PICALM: variants seen among roughly 807,000 people sequenced by gnomAD.
The protein encoded by PICALM is phosphatidylinositol-binding clathrin assembly protein.
PICALM carries 40 observed loss-of-function variants against 80.5 expected under a neutral mutation model. That is an observed-to-expected ratio of 0.50 (90% CI 0.39 to 0.65). The LOEUF (loss-of-function observed/expected upper bound fraction) is 0.65. Among genes scored for constraint, PICALM ranks in the 30% least tolerant of loss-of-function variants. The probability of loss-of-function intolerance (pLI) is 0.00; values close to 1 mark genes in which losing one functional copy is unlikely to be tolerated. For synonymous variants in PICALM, 288 were observed against 260.3 expected (o/e 1.11, Z -1.02); for missense variants, 676 against 778.9 (o/e 0.87, Z 1.57).
intron 19 of PICALM, among the ~76,000 whole-genome samples, chr11:85,972,337 G>A (rs1216062017): frequency 1.3e-5 from 2 of 152,086 alleles, no homozygotes; most frequent in East Asian, 3.9e-4. Flanking sequence ...GGCCAGTAAG[G>A]GCTCAGTACC....
chr11:86,041,930 T>C (rs187127490), intron 1 of PICALM, among the ~76,000 whole-genome samples: 125 of 152,342 alleles, frequency 8.2e-4, no homozygotes, highest in Non-Finnish European at 1.4e-3. Context: ...TGCCACTGAC[T>C]TGTATTTTCA....
At chr11:86,018,906 A>AAAAG (rs60839119) in intron 4 of PICALM, among the ~76,000 whole-genome samples, 1 of 150,906 alleles carries the variant, frequency 6.6e-6, no homozygotes, top group Non-Finnish European at 1.5e-5. Context: ...AAAAAGAAAA[A>AAAAG]AATGAGATGG....
intron 9 of PICALM, 110 bp downstream of exon 9, chr11:86,003,256 G>T: frequency 1.7e-6 from 1 of 573,534 alleles, no homozygotes; most frequent in South Asian, 2.8e-5. Flanking sequence ...CCATTTTATA[G>T]AAAATGAAAT....
In PICALM at chr11:85,980,297, G is replaced by A. The variant is rs546291882; in HGVS notation, c.1779+832C>T. Among the ~76,000 whole-genome samples, 15 of 152,342 alleles carry A rather than the reference G, an allele frequency of 9.8e-5. No homozygotes were observed. In the South Asian group the frequency reaches 3.1e-3, roughly 32 times the overall value. On this transcript the variant is annotated intron_variant, in intron 17 of 19. Coordinates refer to ENST00000393346, the MANE Select transcript of PICALM (RefSeq NM_007166.4). Reference sequence around the variant, plus strand: ...GCAAGAAACTCTGACTCTGGGGCCAGCTGGACAGGGCTAAAATTCCAACTC... The same window carrying A: ...GCAAGAAACTCTGACTCTGGGGCCAACTGGACAGGGCTAAAATTCCAACTC...
At chr11:85,981,280 C>T (rs923509116) in intron 16 of PICALM, 52 bp from the exon 17 acceptor site, 4 of 1,063,306 alleles carry the variant, frequency 3.8e-6, no homozygotes, top group African/African-American at 3.1e-5. Flanking sequence ...ATAAAGTTTC[C>T]TTAGCTATAT....
At position 86,012,398 on chromosome 11, in the gene PICALM, G is replaced by GA. The variant is rs746992766; in HGVS notation, c.547-7dup. The GA allele has an allele frequency of 1.3e-6, 2 of 1,482,212 alleles. No individual in the cohort carries two copies. The highest frequency in any genetic ancestry group is 2.8e-5 in the African/African-American group (2 of 72,148). 91.8% of individuals were successfully genotyped at this position (1,482,212 alleles called of 1,614,324 possible). ...GTAAGTTCATTGCTATTAACCTAGG[G>GA]AAAAATTGGAAAATAAAATTAGCTA... On this transcript the variant is annotated splice_region_variant and splice_polypyrimidine_tract_variant and intron_variant, in intron 5 of 19. Transcript: ENST00000393346.
chr11:86,012,451 A>C, intron 5 of PICALM, 59 bp from the exon 6 acceptor site: 1 of 922,760 alleles, frequency 1.1e-6, no homozygotes, highest in Non-Finnish European at 1.8e-6. Flanking sequence ...ACATTGACAA[A>C]AAGATTTCCT....
chr11:86,003,246 C>T, intron 9 of PICALM, 120 bp downstream of exon 9: 3 of 551,644 alleles, frequency 5.4e-6, no homozygotes, highest in South Asian at 3.0e-5. Flanking sequence ...ATGATTAAAT[C>T]CATTTTATAG....
intron 19 of PICALM, among the ~76,000 whole-genome samples, chr11:85,972,072 C>T (rs932489170): frequency 6.6e-6 from 1 of 151,964 alleles, no homozygotes; most frequent in African/African-American, 2.4e-5. Flanking sequence ...CGTGAGCCAC[C>T]GTGCCTGGCC....
intron 3 of PICALM, 41 bp downstream of exon 3, chr11:86,026,251 G>A (rs754797853): frequency 9.3e-7 from 1 of 1,075,044 alleles, no homozygotes; most frequent in South Asian, 1.3e-5. Flanking sequence ...TCATGTGGGT[G>A]TCATTCTTTT....
chr11:86,046,650 A>T (rs2096075631), intron 1 of PICALM, among the ~76,000 whole-genome samples: 1 of 152,198 alleles, frequency 6.6e-6, no homozygotes, highest in African/African-American at 2.4e-5. Flanking sequence ...TCAACTGGGA[A>T]GTGTTACCAT....
At chr11:85,994,995 C>A (rs758049797) in intron 12 of PICALM, among the ~76,000 whole-genome samples, 10 of 152,146 alleles carry the variant, frequency 6.6e-5, no homozygotes, top group Non-Finnish European at 1.3e-4. Context: ...TGAGCCATCG[C>A]ACCTGGCCTT....
At chr11:85,984,088 A>G in intron 13 of PICALM, 115 bp from the exon 14 acceptor site, 1 of 588,632 alleles carries the variant, frequency 1.7e-6, no homozygotes, top group East Asian at 3.2e-5. Context: ...ACAAAAACAA[A>G]GCCAATCCTT....
chr11:86,007,373 T>C (rs2136208022), intron 8 of PICALM, 169 bp downstream of exon 8: 1 of 440,412 alleles, frequency 2.3e-6, no homozygotes, highest in Admixed American at 3.0e-5. Flanking sequence ...GCAGATCATT[T>C]TACGTGGTCA....
chr11:86,067,859 A>C (rs745659472), intron 1 of PICALM, among the ~76,000 whole-genome samples: 10 of 152,204 alleles, frequency 6.6e-5, no homozygotes, highest in Non-Finnish European at 1.5e-4. Context: ...AACTCACCCC[A>C]GTCAAAAGTA....
intron 1 of PICALM, among the ~76,000 whole-genome samples, chr11:86,038,846 C>T (rs1276926355): frequency 1.3e-5 from 2 of 151,762 alleles, no homozygotes; most frequent in African/African-American, 4.8e-5. Flanking sequence ...TGCAGTGGCT[C>T]ATGCCTGTAA....
intron 19 of PICALM, among the ~76,000 whole-genome samples, chr11:85,972,092 T>A (rs2094130812): frequency 6.6e-6 from 1 of 152,108 alleles, no homozygotes; most frequent in Non-Finnish European, 1.5e-5. Context: ...CAACAAGAAA[T>A]TTTTTAAAGG....
intron 1 of PICALM, among the ~76,000 whole-genome samples, chr11:86,042,829 C>G (rs765390876): frequency 4.6e-5 from 7 of 152,054 alleles, no homozygotes; most frequent in Non-Finnish European, 7.4e-5. Context: ...TTCTTTCCAA[C>G]AAGACAGGGA....
At chr11:86,049,478 T>C (rs919705957) in intron 1 of PICALM, among the ~76,000 whole-genome samples, 4 of 152,172 alleles carry the variant, frequency 2.6e-5, no homozygotes, top group Non-Finnish European at 5.9e-5. Flanking sequence ...ACCAGACAAA[T>C]TCCCCCATGA....
Sources: gnomAD v4.1 joint callset for allele counts (sites outside exome capture counted in the v4.1 genomes callset) on GRCh38, gnomAD v4.1.1 for gene constraint, MANE v1.5 for transcripts, NCBI Gene and HGNC (gene_info 2026-07-23, HGNC 2026-07-21) for gene names.